Variants in RCOR1 observed in about 807,000 individuals in gnomAD.
RCOR1 encodes the protein REST corepressor.
Under a neutral mutation model 64.0 loss-of-function variants are expected in RCOR1, and 12 were observed. The observed-to-expected ratio is 0.19, with a 90% CI of 0.12 to 0.30. The LOEUF is 0.30. Among genes scored for constraint, RCOR1 ranks in the 10% least tolerant of loss-of-function variants. The probability of loss-of-function intolerance (pLI) is 1.00; values close to 1 mark genes in which losing one functional copy is unlikely to be tolerated. For synonymous variants in RCOR1, 279 were observed against 227.2 expected (o/e 1.23, Z -2.05); for missense variants, 502 against 621.2 (o/e 0.81, Z 2.04).
chr14:102,633,642 C>T (rs1894173360), intron 2 of RCOR1, among the ~76,000 whole-genome samples: 3 of 152,166 alleles, frequency 2.0e-5, no homozygotes, highest in Admixed American at 2.0e-4. Context: ...CGCATTGAAG[C>T]GATTCTCCTG....
intron 2 of RCOR1, among the ~76,000 whole-genome samples, chr14:102,623,387 ATTAT>A (rs376556197): frequency 0.081 from 10,110 of 124,708 alleles, 674 homozygotes; most frequent in African/African-American, 0.22. Context: ...TTATTTATTT[ATTAT>A]TTATTTATTT....
intron 2 of RCOR1, among the ~76,000 whole-genome samples, chr14:102,594,592 C>G (rs1893205887): frequency 6.6e-6 from 1 of 151,274 alleles, no homozygotes; most frequent in African/African-American, 2.4e-5. Context: ...ATTTATTTGT[C>G]TAATACTCGC....
At chr14:102,608,734 T>A (rs1033759452) in intron 2 of RCOR1, among the ~76,000 whole-genome samples, 5 of 142,154 alleles carry the variant, frequency 3.5e-5, no homozygotes, top group African/African-American at 1.5e-4. Context: ...AATTTTAAAA[T>A]TTTTTTTTTG....
chr14:102,726,355 T>G, intron 11 of RCOR1, 113 bp from the exon 12 acceptor site: 2 of 904,638 alleles, frequency 2.2e-6, no homozygotes, highest in Middle Eastern at 2.7e-4. Context: ...GAACTCGGTG[T>G]TTGCTCTGCA....
At chr14:102,707,553 A>G (rs371811406) in intron 5 of RCOR1, 41 bp downstream of exon 5, 7 of 1,494,558 alleles carry the variant, frequency 4.7e-6, no homozygotes, top group Admixed American at 2.1e-5. Context: ...TTTTTCTCCT[A>G]TCTAACTCTC....
intron 2 of RCOR1, among the ~76,000 whole-genome samples, chr14:102,599,252 G>C (rs1893335305): frequency 6.6e-6 from 1 of 151,440 alleles, no homozygotes; most frequent in African/African-American, 2.4e-5. Flanking sequence ...ACTTTACCTC[G>C]AAAGTAGCTG....
At chr14:102,663,206 C>G (rs76292373) in intron 2 of RCOR1, among the ~76,000 whole-genome samples, 2 of 152,182 alleles carry the variant, frequency 1.3e-5, no homozygotes, top group Admixed American at 6.5e-5. Flanking sequence ...TCCTCCTTGC[C>G]GTCCGCCATG....
chr14:102,726,610 G>A lies in RCOR1; in HGVS notation c.*104G>A. ...ATCTGCATCACATCTCTCTGGACAA[G>A]CAGCTATTACCAAAAAAGGCATATA... On this transcript the variant is annotated 3_prime_UTR_variant, in exon 12 of 12. Coordinates refer to ENST00000262241, the MANE Select transcript of RCOR1 (RefSeq NM_015156.4). The A allele has an allele frequency of 1.0e-6, 1 of 1,000,662 alleles. No individual in the cohort carries two copies. Among genetic ancestry groups the A allele is most frequent in the South Asian group, 1.4e-5 (1 of 71,698 alleles). 62.0% of individuals were successfully genotyped at this position (1,000,662 alleles called of 1,614,324 possible). A position where few individuals can be genotyped will look rare whatever the true frequency, so the allele number is the denominator to read the frequency against.
In RCOR1 at chr14:102,657,372, C is replaced by T. The variant is rs1249703176; in HGVS notation, c.362-24523C>T. On this transcript the variant is annotated intron_variant, in intron 2 of 11. Coordinates refer to ENST00000262241, the MANE Select transcript of RCOR1 (RefSeq NM_015156.4). ...CCATGTTTTAATCCTAATTTAAGACCGATTTACTTCTTCTTGGAGCTAATT... is the reference window on the plus strand; with the variant it reads ...CCATGTTTTAATCCTAATTTAAGACTGATTTACTTCTTCTTGGAGCTAATT... The T allele has an allele frequency of 1.7e-5, 17 of 985,024 alleles. No individual in the cohort carries two copies. In the South Asian group the frequency reaches 5.6e-4, roughly 33 times the overall value. The allele number at this position is 985,024 out of a possible 1,614,324, so 61.0% of individuals were successfully genotyped here. A position where few individuals can be genotyped will look rare whatever the true frequency, so the allele number is the denominator to read the frequency against.
chr14:102,709,678 T>C (rs1895919738), intron 6 of RCOR1, among the ~76,000 whole-genome samples: 1 of 152,230 alleles, frequency 6.6e-6, no homozygotes, highest in African/African-American at 2.4e-5. Flanking sequence ...TACATCTGCA[T>C]ATTTTTGCCT....
intron 2 of RCOR1, among the ~76,000 whole-genome samples, chr14:102,603,936 T>G (rs1332690166): frequency 6.6e-6 from 1 of 152,194 alleles, no homozygotes; most frequent in Non-Finnish European, 1.5e-5. Flanking sequence ...TATTCTTTGT[T>G]AGAATTGCAC....
At chr14:102,604,975 G>A (rs1433371676) in intron 2 of RCOR1, among the ~76,000 whole-genome samples, 4 of 150,942 alleles carry the variant, frequency 2.7e-5, no homozygotes, top group South Asian at 2.1e-4. Flanking sequence ...AGGCTGAGGC[G>A]CGAGAATTGC....
intron 2 of RCOR1, among the ~76,000 whole-genome samples, chr14:102,598,650 A>T (rs562591725): frequency 2.0e-5 from 3 of 151,562 alleles, no homozygotes; most frequent in Non-Finnish European, 4.4e-5. Context: ...GGGTTCCACC[A>T]TGTTAGCCAG....
At chr14:102,703,516 C>A (rs1361935824) in intron 4 of RCOR1, among the ~76,000 whole-genome samples, 1 of 152,134 alleles carries the variant, frequency 6.6e-6, no homozygotes, top group African/African-American at 2.4e-5. Context: ...TATTTCTTGT[C>A]AAAACCTTTG....
intron 2 of RCOR1, among the ~76,000 whole-genome samples, chr14:102,634,640 A>G (rs910661244): frequency 2.1e-5 from 3 of 143,544 alleles, no homozygotes; most frequent in Admixed American, 6.8e-5. Context: ...ATGTGTGTAT[A>G]TATATATATA....
At chr14:102,657,448 C>G in intron 2 of RCOR1, 13 of 984,368 alleles carry the variant, frequency 1.3e-5, no homozygotes, top group Non-Finnish European at 1.6e-5. Flanking sequence ...ACTAATATAA[C>G]ACAGAAGTCT....
chr14:102,672,758 T>G (rs1357070650), intron 2 of RCOR1, among the ~76,000 whole-genome samples: 1 of 152,158 alleles, frequency 6.6e-6, no homozygotes, highest in Non-Finnish European at 1.5e-5. Context: ...ATAACAAGTG[T>G]TGGTGAGGAT....
intron 3 of RCOR1, among the ~76,000 whole-genome samples, chr14:102,696,808 CTTTTT>C (rs71305075): frequency 7.0e-5 from 4 of 57,404 alleles, no homozygotes; most frequent in African/African-American, 2.2e-4. Flanking sequence ...ATCTGCTTAT[CTTTTT>C]TTTTTTTTTT....
intron 2 of RCOR1, among the ~76,000 whole-genome samples, chr14:102,677,300 T>C (rs1595225641): frequency 1.3e-5 from 1 of 77,134 alleles, no homozygotes; most frequent in Non-Finnish European, 2.4e-5. Context: ...AAGGAGCCCC[T>C]CACCTCCCGG....
Sources: gnomAD v4.1 joint callset for allele counts (sites outside exome capture counted in the v4.1 genomes callset) on GRCh38, gnomAD v4.1.1 for gene constraint, MANE v1.5 for transcripts, NCBI Gene and HGNC (gene_info 2026-07-23, HGNC 2026-07-21) for gene names.